The following WDFY4 variants were observed in gnomAD, a reference collection of about 807,000 sequenced individuals.
WDFY4 encodes the protein WDFY family member 4.
In WDFY4, 169 loss-of-function variants were observed where a neutral mutation model predicts 351.9. That is an observed-to-expected ratio of 0.48 (90% CI 0.42 to 0.55). The LOEUF (loss-of-function observed/expected upper bound fraction) is 0.55, where lower values mean the gene tolerates loss of function less well. Ranked by LOEUF, WDFY4 falls within the 20% of genes least tolerant of loss-of-function variation. The pLI is 0.00. For missense variants in WDFY4, 3,803 were observed against 3,935.6 expected, an observed-to-expected ratio of 0.97 and a Z score of 0.90; for synonymous variants, 1,622 against 1,574.6, an observed-to-expected ratio of 1.03 and a Z score of -0.71.
intron 9 of WDFY4, 24 bp downstream of exon 9, chr10:48,731,586 G>T (rs1395350589): frequency 2.6e-6 from 4 of 1,540,446 alleles, no homozygotes; most frequent in Non-Finnish European, 2.6e-6. Context: ...CATTGGGAGG[G>T]ATGGGCAGGG....
At chr10:48,973,574 C>T (rs1842425818) in intron 57 of WDFY4, among the ~76,000 whole-genome samples, 1 of 152,266 alleles carries the variant, frequency 6.6e-6, no homozygotes, top group African/African-American at 2.4e-5. Context: ...GCCAATTACG[C>T]TTCAGAATGC....
intron 48 of WDFY4, among the ~76,000 whole-genome samples, chr10:48,942,980 G>C (rs985248633): frequency 1.3e-5 from 2 of 152,168 alleles, no homozygotes; most frequent in African/African-American, 4.8e-5. Flanking sequence ...ACCATCAATA[G>C]GTCAGCAGTC....
intron 1 of WDFY4, 45 bp from the exon 2 acceptor site, chr10:48,709,671 A>G (rs896141747): frequency 2.0e-6 from 3 of 1,490,004 alleles, no homozygotes; most frequent in Admixed American, 2.0e-5. Context: ...AATCATCAGG[A>G]AGTGATGTGA....
chr10:48,978,323 G>A lies in WDFY4; in HGVS notation c.9306G>A (p.Glu3102=). 2 of 1,551,384 alleles carry A rather than the reference G, an allele frequency of 1.3e-6. No individual in the cohort carries two copies. The highest frequency in any genetic ancestry group is 1.7e-6 in the Non-Finnish European group (2 of 1,146,836). The part of the protein sequence containing the change: ...QDGMVRVWKT[E]DVKMSVPGRP... ...TTTTGGGGCAGGTTTGGAAGACTGA[G>A]GATGTGAAGATGTCTGTTCCTGGAC... The change falls in exon 60 of 62, where the codon GAG becomes GAA. Residue 3102 remains glutamate, a synonymous_variant. Transcript: ENST00000325239.
intron 39 of WDFY4, among the ~76,000 whole-genome samples, chr10:48,861,670 A>G (rs2069349293): frequency 6.6e-6 from 1 of 152,026 alleles, no homozygotes; most frequent in African/African-American, 2.4e-5. Flanking sequence ...GTGTCTTGAC[A>G]TGGATTTCTA....
At chr10:48,727,433 A>G in intron 6 of WDFY4, 37 bp from the exon 7 acceptor site, 1 of 1,539,658 alleles carries the variant, frequency 6.5e-7, no homozygotes, top group Non-Finnish European at 8.8e-7. Context: ...TCTTGCTTCC[A>G]AGCTCAGCAG....
chr10:48,730,841 T>C (rs2064435788), intron 8 of WDFY4, among the ~76,000 whole-genome samples: 1 of 152,242 alleles, frequency 6.6e-6, no homozygotes, highest in African/African-American at 2.4e-5. Context: ...ATTTCCTTTG[T>C]ATTATCTTTT....
chr10:48,966,404 C>G, intron 54 of WDFY4, 122 bp from the exon 55 acceptor site: 1 of 1,091,678 alleles, frequency 9.2e-7, no homozygotes, highest in Non-Finnish European at 1.3e-6. Flanking sequence ...ATGTTCAGCT[C>G]TGTCAGGAAC....
At chr10:48,809,673 C>T (rs2067384349) in intron 28 of WDFY4, among the ~76,000 whole-genome samples, 1 of 152,200 alleles carries the variant, frequency 6.6e-6, no homozygotes, top group Admixed American at 6.5e-5. Context: ...ACCACCACCA[C>T]CATCAACATC....
At chr10:48,731,709 A>C (rs965818784) in intron 9 of WDFY4, 147 bp downstream of exon 9, 2 of 1,035,452 alleles carry the variant, frequency 1.9e-6, no homozygotes, top group Non-Finnish European at 2.7e-6. Flanking sequence ...ACAGTTTCAC[A>C]AAAGACAGGC....
intron 40 of WDFY4, 54 bp from the exon 41 acceptor site, chr10:48,873,437 C>T (rs1589790522): frequency 2.0e-5 from 30 of 1,477,912 alleles, no homozygotes; most frequent in Non-Finnish European, 2.6e-5. Flanking sequence ...GGGGCCAGGC[C>T]CATAAGGCCC....
chr10:48,843,285 T>C (rs1785252054), intron 39 of WDFY4, among the ~76,000 whole-genome samples: 1 of 152,210 alleles, frequency 6.6e-6, no homozygotes, highest in African/African-American at 2.4e-5. Context: ...CCAGGCTGTG[T>C]TTATATGCCA....
chr10:48,702,222 T>C (rs2063498032), intron 1 of WDFY4, among the ~76,000 whole-genome samples: 1 of 152,046 alleles, frequency 6.6e-6, no homozygotes, highest in Non-Finnish European at 1.5e-5. Flanking sequence ...CTAGCAGTAT[T>C]TGATGGCTGC....
chr10:48,740,196 G>A (rs733394), intron 11 of WDFY4, among the ~76,000 whole-genome samples: 15 of 151,880 alleles, frequency 9.9e-5, no homozygotes, highest in East Asian at 1.9e-4. Context: ...CCTTTGTGAC[G>A]GATTGACTTT....
At chr10:48,892,867 T>TA (rs754534928) in intron 44 of WDFY4, among the ~76,000 whole-genome samples, 5 of 152,208 alleles carry the variant, frequency 3.3e-5, no homozygotes, top group Non-Finnish European at 7.3e-5. Context: ...CCTCAGAAAC[T>TA]AACAGCCTTC....
At chr10:48,804,569 A>C (rs1404093102) in intron 25 of WDFY4, among the ~76,000 whole-genome samples, 1 of 151,548 alleles carries the variant, frequency 6.6e-6, no homozygotes, top group African/African-American at 2.4e-5. Flanking sequence ...ATACAAAAAA[A>C]AAAAAAAAAA....
intron 39 of WDFY4, among the ~76,000 whole-genome samples, chr10:48,841,500 C>T (rs749885455): frequency 2.0e-5 from 3 of 151,644 alleles, no homozygotes; most frequent in African/African-American, 4.8e-5. Context: ...TGTATGTTTT[C>T]TGTCAGGTTA....
chr10:48,694,911 C>T (rs897013744), intron 1 of WDFY4, among the ~76,000 whole-genome samples: 6 of 152,184 alleles, frequency 3.9e-5, no homozygotes, highest in Non-Finnish European at 7.3e-5. Flanking sequence ...TGCCCCACAG[C>T]CACCACCACC....
intron 24 of WDFY4, among the ~76,000 whole-genome samples, chr10:48,799,027 C>T (rs1213872527): frequency 6.6e-6 from 1 of 152,214 alleles, no homozygotes. Flanking sequence ...GCAACCGCTG[C>T]TGCCCCTTCT....
Sources: gnomAD v4.1 joint callset for allele counts (sites outside exome capture counted in the v4.1 genomes callset) on GRCh38, gnomAD v4.1.1 for gene constraint, MANE v1.5 for transcripts, NCBI Gene and HGNC (gene_info 2026-07-23, HGNC 2026-07-21) for gene names.